The following ATAD2 variants were observed in gnomAD, a reference collection of about 807,000 sequenced individuals.
ATAD2 encodes ATPase family AAA domain-containing protein 2.
In ATAD2, 62 loss-of-function variants were observed where a neutral mutation model predicts 168.9. The observed-to-expected ratio is 0.37, with a 90% CI of 0.30 to 0.45. The LOEUF (loss-of-function observed/expected upper bound fraction) is 0.45, where lower values mean the gene tolerates loss of function less well. Ranked by LOEUF, ATAD2 falls within the 20% of genes least tolerant of loss-of-function variation. The probability of loss-of-function intolerance (pLI) is 1.00; values close to 1 mark genes in which losing one functional copy is unlikely to be tolerated. For missense variants in ATAD2, 1,419 were observed against 1,667.8 expected (o/e 0.85, Z 2.60); for synonymous variants, 613 against 571.6 (o/e 1.07, Z -1.03).
chr8:123,378,296 C>T (rs997843225), intron 2 of ATAD2, among the ~76,000 whole-genome samples: 7 of 151,206 alleles, frequency 4.6e-5, no homozygotes, highest in African/African-American at 7.3e-5. Flanking sequence ...ATGGATAAGA[C>T]GCAAATTAAA....
At chr8:123,331,602 AC>A (rs1827775060) in intron 24 of ATAD2, among the ~76,000 whole-genome samples, 1 of 152,190 alleles carries the variant, frequency 6.6e-6, no homozygotes, top group South Asian at 2.1e-4. Flanking sequence ...AGGGCAGGGT[AC>A]TACAGCTGCA....
chr8:123,410,336 G>C (rs570968213), intron 1 of ATAD2, among the ~76,000 whole-genome samples: 1 of 152,072 alleles, frequency 6.6e-6, no homozygotes, highest in Non-Finnish European at 1.5e-5. Flanking sequence ...GCCCAGGCTG[G>C]AGTGCAATGG....
intron 13 of ATAD2, among the ~76,000 whole-genome samples, chr8:123,354,003 A>G (rs973212843): frequency 2.0e-5 from 3 of 152,102 alleles, no homozygotes; most frequent in Non-Finnish European, 2.9e-5. Flanking sequence ...GTGTGCTGGT[A>G]CATGCCTGTA....
rs186888421 is a variant in ATAD2 at position 123,392,341 on chromosome 8, A to T, written c.171+3846T>A. Among the ~76,000 whole-genome samples, 52 of 152,298 alleles carry T rather than the reference A, an allele frequency of 3.4e-4. No individual in the cohort carries two copies. The East Asian group carries it at 9.6e-3, about 28-fold the overall frequency. On this transcript the variant is annotated intron_variant, in intron 1 of 27. Transcript: ENST00000287394. The stretch of plus-strand genomic sequence containing the variant: ...AGGCATGTCAGGAGAGTGGTTTGTA[A>T]TTTTAAATATGGTGCTTATGGTAAA...
chr8:123,371,878 T>C, intron 3 of ATAD2, 43 bp from the exon 4 acceptor site: 1 of 1,425,256 alleles, frequency 7.0e-7, no homozygotes. Context: ...ACATTTGAAA[T>C]AATAGTATTT....
chr8:123,408,403 T>C (rs1246482063), intron 1 of ATAD2, among the ~76,000 whole-genome samples: 1 of 152,226 alleles, frequency 6.6e-6, no homozygotes, highest in African/African-American at 2.4e-5. Context: ...GAGGCATTTA[T>C]TTCCTCTGGG....
At chr8:123,348,142 T>C in intron 15 of ATAD2, 41 bp downstream of exon 15, 1 of 1,421,244 alleles carries the variant, frequency 7.0e-7, no homozygotes, top group Non-Finnish European at 9.6e-7. Flanking sequence ...ATATTTGAAA[T>C]AAATGTAGTA....
intron 19 of ATAD2, among the ~76,000 whole-genome samples, chr8:123,340,643 A>C (rs560574062): frequency 1.3e-5 from 2 of 152,364 alleles, no homozygotes; most frequent in East Asian, 1.9e-4. Context: ...AAAAGGAATA[A>C]AATTTGGACA....
At chr8:123,393,015 T>C (rs1202746915) in intron 1 of ATAD2, among the ~76,000 whole-genome samples, 6 of 152,002 alleles carry the variant, frequency 3.9e-5, no homozygotes, top group African/African-American at 1.2e-4. Context: ...AAACCTTGTC[T>C]CTACTGAAAA....
chr8:123,400,953 T>C, upstream of ATAD2: 2 of 1,408,668 alleles, frequency 1.4e-6, no homozygotes, highest in Non-Finnish European at 1.0e-6. This position sits in a 1 kb window ranked among gnomAD's most constrained non-coding sequence, Gnocchi z 4.5. Context: ...CCTCGCACCC[T>C]GTGGGTGATG....
Position 123,328,397 on chromosome 8 carries a change from ACTCTCCTG to A in ATAD2, c.3653_3660del (p.Thr1218IlefsTer7). 6.3e-7 allele frequency: 1 copy of A among 1,596,714 alleles called. No homozygotes were observed. The highest frequency in any genetic ancestry group is 1.2e-5 in the South Asian group (1 of 86,840). On this transcript the variant is annotated frameshift_variant, in exon 25 of 28. Transcript: ENST00000287394. LOFTEE classifies it high-confidence loss of function. ...TGTTTTTCATTTTCTTCCACCGAAG[ACTCTCCTG>A]TGTTTCCGGTCTCATTATGATCTAC...
intron 1 of ATAD2, chr8:123,401,504 G>T: frequency 6.4e-7 from 1 of 1,567,908 alleles, no homozygotes; most frequent in Non-Finnish European, 8.7e-7. Context: ...CCCAGGCCAA[G>T]AACCTGATTG....
chr8:123,330,150 G>A (rs1827737127), intron 24 of ATAD2, among the ~76,000 whole-genome samples: 1 of 151,854 alleles, frequency 6.6e-6, no homozygotes, highest in South Asian at 2.1e-4. Context: ...CACCATGCCT[G>A]GCCAGTGTTT....
At chr8:123,326,936 T>A (rs1827632462) in intron 25 of ATAD2, among the ~76,000 whole-genome samples, 1 of 152,076 alleles carries the variant, frequency 6.6e-6, no homozygotes, top group Non-Finnish European at 1.5e-5. Flanking sequence ...ATGGAGTCTT[T>A]CTGTCACCCA....
At chr8:123,321,380 G>A (rs749928662) in intron 27 of ATAD2, among the ~76,000 whole-genome samples, 3 of 151,522 alleles carry the variant, frequency 2.0e-5, no homozygotes, top group Non-Finnish European at 4.4e-5. Context: ...ACTTTGAAAT[G>A]AGTCTGGGGT....
intron 2 of ATAD2, among the ~76,000 whole-genome samples, chr8:123,373,953 C>A (rs942177888): frequency 6.6e-6 from 1 of 152,106 alleles, no homozygotes; most frequent in Non-Finnish European, 1.5e-5. Context: ...AATATTACAA[C>A]TTAAAGTAAA....
chr8:123,349,534 C>G, intron 13 of ATAD2, 90 bp from the exon 14 acceptor site: 1 of 1,265,420 alleles, frequency 7.9e-7, no homozygotes. Flanking sequence ...AGATTTAACG[C>G]ATTACATGTG....
At position 123,369,918 on chromosome 8, in the gene ATAD2, TTCATCATCATCATCATCA is replaced by T. The variant is rs113064839; in HGVS notation, c.816_833del (p.Asp272_Asp277del). On this transcript the variant is annotated inframe_deletion, in exon 7 of 28. Transcript: ENST00000287394. ...CTCCATCTTCTTCATCTTCATCATC[TTCATCATCATCATCATCA>T]TCATCATCGTCATCATCATCATCAT... 6.4e-7 allele frequency: 1 copy of T among 1,556,472 alleles called. No homozygotes were observed. The highest frequency in any genetic ancestry group is 1.1e-5 in the South Asian group (1 of 88,776).
intron 12 of ATAD2, 29 bp downstream of exon 12, chr8:123,357,533 T>C: frequency 1.3e-6 from 2 of 1,584,544 alleles, no homozygotes; most frequent in Non-Finnish European, 1.7e-6. Context: ...TACAGAACTA[T>C]CCAGATATAT....
Sources: gnomAD v4.1 joint callset for allele counts (sites outside exome capture counted in the v4.1 genomes callset) on GRCh38, gnomAD v4.1.1 for gene constraint, Gnocchi (gnomAD v3.1) non-coding constraint, MANE v1.5 for transcripts, NCBI Gene and HGNC (gene_info 2026-07-23, HGNC 2026-07-21) for gene names.